Variants in FAM220A observed in about 807,000 individuals in gnomAD.
The protein encoded by FAM220A is protein FAM220A.
For missense variants in FAM220A, 392 were observed against 321.6 expected (o/e 1.22, Z -1.68); for synonymous variants, 141 against 130.7 (o/e 1.08, Z -0.54).
At chr7:6,333,406 T>C (rs759839623) in intron 1 of FAM220A, among the ~76,000 whole-genome samples, 2 of 152,006 alleles carry the variant, frequency 1.3e-5, no homozygotes, top group African/African-American at 2.4e-5. Flanking sequence ...TGGTTCAGAA[T>C]AGACACACTA....
At chr7:6,339,878 C>T (rs955388702) in intron 1 of FAM220A, among the ~76,000 whole-genome samples, 2 of 151,312 alleles carry the variant, frequency 1.3e-5, no homozygotes, top group African/African-American at 4.8e-5. Context: ...GCCAGCTCGG[C>T]GTCAGGCAAC....
intron 1 of FAM220A, among the ~76,000 whole-genome samples, chr7:6,347,507 CTG>C (rs1781975991): frequency 6.8e-6 from 1 of 146,356 alleles, no homozygotes; most frequent in Non-Finnish European, 1.5e-5. Context: ...GAGTAAGACT[CTG>C]TCTCAGGGAA....
chr7:6,340,715 C>T lies in FAM220A; in HGVS notation c.-82+7858G>A, dbSNP rs568119197. 5.3e-5 allele frequency among the ~76,000 whole-genome samples: 8 copies of T among 151,736 alleles called. No individual in the cohort carries two copies. The East Asian group carries it at 5.9e-4, about 11-fold the overall frequency. On this transcript the variant is annotated intron_variant, in intron 1 of 1. Transcript: ENST00000313324. ...GAGATCGAGACCATCCTGGCTAACACGGTAAAACCCTGTCTCTACTAAAAA... is the reference window on the plus strand; with the variant it reads ...GAGATCGAGACCATCCTGGCTAACATGGTAAAACCCTGTCTCTACTAAAAA...
intron 1 of FAM220A, among the ~76,000 whole-genome samples, chr7:6,347,920 T>C (rs1362633565): frequency 6.8e-6 from 1 of 147,362 alleles, no homozygotes; most frequent in South Asian, 2.1e-4. Flanking sequence ...ATTATTATTA[T>C]TATTATTGAG....
chr7:6,346,169 C>T (rs1562449532), intron 1 of FAM220A, among the ~76,000 whole-genome samples: 2 of 152,032 alleles, frequency 1.3e-5, no homozygotes, highest in African/African-American at 2.4e-5. Flanking sequence ...CCCCTATTTT[C>T]GAAGGTGGTA....
At chr7:6,341,572 C>G (rs1217369186) in intron 1 of FAM220A, among the ~76,000 whole-genome samples, 1 of 150,290 alleles carries the variant, frequency 6.7e-6, no homozygotes, top group Admixed American at 6.7e-5. Flanking sequence ...AGCCTGTAGT[C>G]CCAGCTACTC....
chr7:6,334,013 AT>A (rs1263520589), intron 1 of FAM220A, among the ~76,000 whole-genome samples: 1 of 150,844 alleles, frequency 6.6e-6, no homozygotes, highest in Non-Finnish European at 1.5e-5. Flanking sequence ...CGCCCGGCTA[AT>A]TTTTCGTATT....
chr7:6,346,810 C>T (rs1363645790), intron 1 of FAM220A, among the ~76,000 whole-genome samples: 2 of 152,150 alleles, frequency 1.3e-5, no homozygotes, highest in Non-Finnish European at 2.9e-5. Context: ...GCCAAACCGA[C>T]GTTAGAAAGG....
chr7:6,347,930 G>A (rs1464281454), intron 1 of FAM220A, among the ~76,000 whole-genome samples: 1 of 103,632 alleles, frequency 9.6e-6, no homozygotes, highest in Admixed American at 9.7e-5. Flanking sequence ...TTATTATTGA[G>A]ATGGAGTTTC....
At position 6,348,855 on chromosome 7, in the gene FAM220A, A is replaced by G. The variant is rs1583243773; in HGVS notation, c.-364T>C. 2 of 389,804 alleles carry G rather than the reference A, an allele frequency of 5.1e-6. No individual in the cohort carries two copies. Among genetic ancestry groups the G allele is most frequent in the Non-Finnish European group, 9.1e-6 (2 of 220,990 alleles). The allele number at this position is 389,804 out of a possible 1,614,324, so 24.1% of individuals were successfully genotyped here. A position where few individuals can be genotyped will look rare whatever the true frequency, so the allele number is the denominator to read the frequency against. ...GCCTGGCGTGCTCAGGGAGCGAAGG[A>G]GGCGGCGGCTAGACCGGCGGGCGGG... On this transcript the variant is annotated 5_prime_UTR_variant, in exon 1 of 2. Transcript: ENST00000313324.
intron 1 of FAM220A, among the ~76,000 whole-genome samples, chr7:6,332,931 C>T (rs955776854): frequency 1.1e-4 from 16 of 151,978 alleles, no homozygotes; most frequent in African/African-American, 1.7e-4. Context: ...GAGGCCAAGG[C>T]GGACAAATCA....
At chr7:6,340,329 T>C (rs1781826956) in intron 1 of FAM220A, among the ~76,000 whole-genome samples, 1 of 152,104 alleles carries the variant, frequency 6.6e-6, no homozygotes, top group Non-Finnish European at 1.5e-5. Flanking sequence ...TGACCAAAAG[T>C]GTTTCAGGGA....
Position 6,331,221 on chromosome 7 carries a change from G to C in FAM220A, c.-67C>G. On this transcript the variant is annotated 5_prime_UTR_variant, in exon 2 of 2. It adds an upstream start codon to the 5' untranslated region. Transcript: ENST00000313324. ...CGTCAGTCTGGGAGGGCCTTCAATG[G>C]ATCTCAATATGAACCTAGGAAAGGG... 1.4e-6 allele frequency: 2 copies of C among 1,470,608 alleles called. No individual in the cohort carries two copies. Among genetic ancestry groups the C allele is most frequent in the Non-Finnish European group, 1.8e-6 (2 of 1,086,914 alleles). 91.1% of individuals were successfully genotyped at this position (1,470,608 alleles called of 1,614,324 possible). A position where few individuals can be genotyped will look rare whatever the true frequency, so the allele number is the denominator to read the frequency against.
At chr7:6,336,788 G>A (rs1781757677) in intron 1 of FAM220A, among the ~76,000 whole-genome samples, 1 of 151,254 alleles carries the variant, frequency 6.6e-6, no homozygotes. Flanking sequence ...CCAAGCAGCT[G>A]GAACCACAGG....
intron 1 of FAM220A, among the ~76,000 whole-genome samples, chr7:6,347,108 C>A (rs1437675501): frequency 6.6e-6 from 1 of 152,154 alleles, no homozygotes; most frequent in African/African-American, 2.4e-5. Context: ...AGGAGGATCA[C>A]TTGAGGCCAG....
intron 1 of FAM220A, chr7:6,338,487 G>A (rs1018819465): frequency 6.6e-6 from 1 of 152,160 alleles, no homozygotes; most frequent in Non-Finnish European, 1.5e-5. Context: ...ATAAAGTGTA[G>A]CCCTGGGTTC....
chr7:6,332,629 C>T (rs1781659721), intron 1 of FAM220A, among the ~76,000 whole-genome samples: 1 of 151,946 alleles, frequency 6.6e-6, no homozygotes, highest in African/African-American at 2.4e-5. Flanking sequence ...GCCTGGGAGG[C>T]AGAGGTCACA....
At position 6,330,748 on chromosome 7, in the gene FAM220A, CT is replaced by C; in HGVS notation, c.406del (p.Arg136GlyfsTer69). ...GRRDWLGGGP[R>X]ATDGHRGQCP... ...CTGTCCTCTGTGGCCGTCAGTGGCC[CT>C]GGGCCCTCCTCCCAGCCAGTCTCGC... On this transcript the variant is annotated frameshift_variant, in exon 2 of 2. Transcript: ENST00000313324. LOFTEE classifies it low-confidence loss of function (END_TRUNC). 6.2e-7 allele frequency: 1 copy of C among 1,614,146 alleles called. No individual in the cohort carries two copies. The highest frequency in any genetic ancestry group is 8.5e-7 in the Non-Finnish European group (1 of 1,180,024).
chr7:6,348,949 C>T lies in FAM220A; in HGVS notation c.-458G>A, dbSNP rs1447146943. On this transcript the variant is annotated 5_prime_UTR_variant, in exon 1 of 2. Transcript: ENST00000313324. ...TGCCTCCGCGAGCAGCCGCCTGTAC[C>T]AGCCTGGCCGCGCAGCCTGACGTCA... 1 of 373,456 alleles carries T rather than the reference C, an allele frequency of 2.7e-6. No individual in the cohort carries two copies. Among genetic ancestry groups the T allele is most frequent in the Non-Finnish European group, 4.7e-6 (1 of 213,430 alleles). The allele number at this position is 373,456 out of a possible 1,614,324, so 23.1% of individuals were successfully genotyped here.
Sources: allele counts gnomAD v4.1 joint callset (sites outside exome capture counted in the v4.1 genomes callset), GRCh38; gene constraint gnomAD v4.1.1; transcripts MANE v1.5; gene names NCBI Gene and HGNC (gene_info 2026-07-23, HGNC 2026-07-21).